NAA25: variants seen among roughly 807,000 people sequenced by gnomAD.
NAA25 encodes N-alpha-acetyltransferase 25, NatB auxiliary subunit.
A neutral mutation model predicts 132.5 loss-of-function variants in NAA25; 30 were observed. That is an observed-to-expected ratio of 0.23 (90% CI 0.17 to 0.31). The LOEUF (loss-of-function observed/expected upper bound fraction) is 0.31, where lower values mean the gene tolerates loss of function less well. Among genes scored for constraint, NAA25 ranks in the 10% least tolerant of loss-of-function variants. The probability of loss-of-function intolerance (pLI) is 1.00; values close to 1 mark genes in which losing one functional copy is unlikely to be tolerated. For missense variants in NAA25, 771 were observed against 1,150.4 expected, an observed-to-expected ratio of 0.67 and a Z score of 4.77; for synonymous variants, 359 against 401.9, an observed-to-expected ratio of 0.89 and a Z score of 1.28.
At chr12:112,095,208 C>T (rs531066818) in intron 1 of NAA25, among the ~76,000 whole-genome samples, 3 of 151,808 alleles carry the variant, frequency 2.0e-5, no homozygotes, top group African/African-American at 2.4e-5. Flanking sequence ...GAGGCCGAGG[C>T]GGGCGGATCA....
At chr12:112,078,161 A>C (rs77804107) in intron 7 of NAA25, 27 bp downstream of exon 7, 9 of 1,441,570 alleles carry the variant, frequency 6.2e-6, no homozygotes, top group South Asian at 1.2e-5. Flanking sequence ...AAAAAAAAAA[A>C]GCTTTAAGAA....
chr12:112,065,072 A>G (rs1354514651), intron 11 of NAA25, among the ~76,000 whole-genome samples: 3 of 147,880 alleles, frequency 2.0e-5, no homozygotes, highest in African/African-American at 7.5e-5. Context: ...AACTAGAATC[A>G]GCCAGGCATG....
At position 112,043,851 on chromosome 12, in the gene NAA25, T is replaced by A. The variant is rs745318640; in HGVS notation, c.2024A>T (p.His675Leu). The change falls in exon 18 of 24, where the codon CAT becomes CTT. Residue 675 changes from histidine (H) to leucine (L), a missense_variant. This residue lies in a region of NAA25 where 324 missense variants were observed against 400.0 expected (regional missense o/e 0.81). Transcript: ENST00000261745. ...DPKDRDVSEE[H>L]KKLSLEEETL... ...CTCCTCCTCTAAGGAAAGTTTCTTA[T>A]GTTCTTCAGAAACGTCCCTTAAACA... is the stretch of plus-strand genomic sequence containing the variant. The A allele has an allele frequency of 6.2e-7, 1 of 1,613,350 alleles. No homozygotes were observed. Among genetic ancestry groups the A allele is most frequent in the Non-Finnish European group, 8.5e-7 (1 of 1,179,426 alleles).
chr12:112,072,861 T>A (rs920190355), intron 9 of NAA25, among the ~76,000 whole-genome samples: 3 of 151,686 alleles, frequency 2.0e-5, no homozygotes, highest in Non-Finnish European at 4.4e-5. Flanking sequence ...CACTTGAGCC[T>A]GAGAGGCAGA....
intron 7 of NAA25, 79 bp downstream of exon 7, chr12:112,078,109 G>A (rs991676228): frequency 1.7e-5 from 17 of 995,880 alleles, no homozygotes; most frequent in Admixed American, 6.9e-5. Context: ...ATATCCTTAT[G>A]TGGAAATTTT....
At chr12:112,032,011 T>G (rs554131167) in intron 23 of NAA25, among the ~76,000 whole-genome samples, 1 of 151,954 alleles carries the variant, frequency 6.6e-6, no homozygotes. Context: ...TCACCCAGGC[T>G]GGAGTGCAGT....
chr12:112,099,231 G>A (rs952355254), intron 1 of NAA25, among the ~76,000 whole-genome samples: 13 of 151,272 alleles, frequency 8.6e-5, no homozygotes, highest in Non-Finnish European at 1.5e-4. Flanking sequence ...CTCGTGATCC[G>A]TCTGCCTCGG....
intron 11 of NAA25, among the ~76,000 whole-genome samples, chr12:112,062,879 T>TA (rs1274595392): frequency 2.0e-5 from 3 of 151,594 alleles, no homozygotes; most frequent in African/African-American, 7.3e-5. Context: ...TCATCTCTAC[T>TA]AAAAAAACAA....
At chr12:112,058,973 C>T in intron 13 of NAA25, among the ~76,000 whole-genome samples, 1 of 151,288 alleles carries the variant, frequency 6.6e-6, no homozygotes, top group Non-Finnish European at 1.5e-5. Context: ...ACTCGGGAGG[C>T]TGAGGCAGGA....
chr12:112,086,433 T>C (rs1042152889), intron 4 of NAA25, among the ~76,000 whole-genome samples: 19 of 151,814 alleles, frequency 1.3e-4, no homozygotes, highest in Admixed American at 2.0e-4. Context: ...GAGGCCAGGT[T>C]GCAGTGAGCC....
intron 23 of NAA25, among the ~76,000 whole-genome samples, chr12:112,030,944 AT>A (rs76808707): frequency 0.015 from 2,185 of 146,700 alleles, 51 homozygotes; most frequent in African/African-American, 0.046. Context: ...TGAATTTAAA[AT>A]TTTTTTTTTT....
intron 4 of NAA25, among the ~76,000 whole-genome samples, chr12:112,083,282 C>T (rs540720408): frequency 8.5e-4 from 130 of 152,164 alleles, no homozygotes; most frequent in Non-Finnish European, 1.6e-3. Flanking sequence ...GAGTTCGAGA[C>T]CAACTTGGCC....
intron 11 of NAA25, among the ~76,000 whole-genome samples, chr12:112,067,301 A>G (rs1335282740): frequency 6.6e-6 from 1 of 152,234 alleles, no homozygotes; most frequent in Non-Finnish European, 1.5e-5. Context: ...AAAAGATGAA[A>G]GAGCAAACTA....
intron 11 of NAA25, chr12:112,065,523 G>T (rs1252703049): frequency 6.6e-6 from 1 of 151,870 alleles, no homozygotes; most frequent in Non-Finnish European, 1.5e-5. Context: ...ATTAGCCAGG[G>T]GTGGTGATGG....
At chr12:112,069,762 G>T (rs1423969179) in intron 10 of NAA25, among the ~76,000 whole-genome samples, 2 of 150,900 alleles carry the variant, frequency 1.3e-5, no homozygotes, top group Non-Finnish European at 2.9e-5. Flanking sequence ...GGAAGTTGCA[G>T]TGAGCCGAGA....
chr12:112,053,392 C>A (rs1392509399), intron 15 of NAA25, among the ~76,000 whole-genome samples, 166 bp downstream of exon 15: 2 of 152,180 alleles, frequency 1.3e-5, no homozygotes. Context: ...ACAAATAACT[C>A]TCTACCTCTC....
chr12:112,038,057 A>T (rs192660649), intron 22 of NAA25, among the ~76,000 whole-genome samples: 19 of 152,314 alleles, frequency 1.2e-4, no homozygotes, highest in African/African-American at 4.3e-4. Context: ...TCTGTCATCC[A>T]GACTGGAGTG....
intron 3 of NAA25, among the ~76,000 whole-genome samples, chr12:112,088,988 T>C (rs2079093860): frequency 6.6e-6 from 1 of 152,138 alleles, no homozygotes; most frequent in Non-Finnish European, 1.5e-5. Context: ...CCAATATTTG[T>C]GGAGTAAATG....
chr12:112,077,322 A>G (rs2078907698), intron 7 of NAA25, among the ~76,000 whole-genome samples: 1 of 151,754 alleles, frequency 6.6e-6, no homozygotes, highest in African/African-American at 2.4e-5. Flanking sequence ...AAAATACAAA[A>G]ATTAGCTGGG....
Sources: allele counts gnomAD v4.1 joint callset (sites outside exome capture counted in the v4.1 genomes callset), GRCh38; gene constraint gnomAD v4.1.1; regional missense constraint gnomAD v4.1.1; transcripts MANE v1.5; gene names NCBI Gene and HGNC (gene_info 2026-07-23, HGNC 2026-07-21).